Variants in PACRG observed in about 807,000 individuals in gnomAD.
PACRG encodes parkin coregulated.
A neutral mutation model predicts 29.7 loss-of-function variants in PACRG; 29 were observed. The observed-to-expected ratio is 0.98, with a 90% CI of 0.73 to 1.33. The LOEUF (loss-of-function observed/expected upper bound fraction) is 1.33, where lower values mean the gene tolerates loss of function less well. Ranked by LOEUF, PACRG falls within the 40% of genes most tolerant of loss-of-function variation. The pLI is 0.00. For missense variants in PACRG, 279 were observed against 316.2 expected (o/e 0.88, Z 0.89); for synonymous variants, 116 against 118.7 (o/e 0.98, Z 0.15).
chr6:162,788,227 T>C lies in PACRG; in HGVS notation c.157-25920T>C, dbSNP rs1434339633. Among the ~76,000 whole-genome samples, 4 of 152,208 alleles carry C rather than the reference T, an allele frequency of 2.6e-5. No homozygotes were observed. In the South Asian group the frequency reaches 6.2e-4, roughly 24 times the overall value. ...TCTTTTTACTGTATCCATAGTTTTT[T>C]CTTTTCCAGAATGTCATGCAGTTGG... On this transcript the variant is annotated intron_variant, in intron 1 of 4. Transcript: ENST00000366888.
At chr6:162,969,949 TACAC>T (rs962081982) in intron 2 of PACRG, among the ~76,000 whole-genome samples, 4 of 152,192 alleles carry the variant, frequency 2.6e-5, no homozygotes, top group African/African-American at 9.7e-5. Context: ...GAAGCTGGCT[TACAC>T]ACAGCACCTT....
chr6:163,294,686 T>G (rs946232492), intron 4 of PACRG, among the ~76,000 whole-genome samples: 1 of 152,234 alleles, frequency 6.6e-6, no homozygotes, highest in Non-Finnish European at 1.5e-5. Context: ...TGTTAATTGC[T>G]TAATGAATAA....
intron 2 of PACRG, among the ~76,000 whole-genome samples, chr6:162,967,380 C>T (rs1225787455): frequency 2.6e-5 from 4 of 152,134 alleles, no homozygotes; most frequent in Non-Finnish European, 5.9e-5. Flanking sequence ...TGTAGATTGT[C>T]TACCTAATTT....
Position 163,176,847 on chromosome 6 carries a change from G to A in PACRG, c.613+87439G>A, listed in dbSNP as rs142489335. On this transcript the variant is annotated intron_variant, in intron 4 of 4. Transcript: ENST00000366888. ...CAGCCGAAGTTGCATGGAAAAGGCT[G>A]GAGAGAGGGAAAGTCAAGAAATAAT... Among the ~76,000 whole-genome samples the A allele has an allele frequency of 3.5e-3, 536 of 152,316 alleles. 6 individuals carry two copies. Among genetic ancestry groups the A allele is most frequent in the African/African-American group, 0.012 (516 of 41,560 alleles).
chr6:163,287,077 T>C (rs550362910), intron 4 of PACRG, among the ~76,000 whole-genome samples: 107 of 152,234 alleles, frequency 7.0e-4, no homozygotes, highest in African/African-American at 2.5e-3. Flanking sequence ...ATTTTTCCCA[T>C]GCAGCAGATA....
chr6:162,943,190 A>C (rs796489418), intron 2 of PACRG, among the ~76,000 whole-genome samples: 6 of 152,294 alleles, frequency 3.9e-5, no homozygotes, highest in African/African-American at 1.4e-4. Flanking sequence ...CTTATGTCTT[A>C]AGTGGCTACA....
chr6:163,105,377 T>C (rs1562918710), intron 4 of PACRG, among the ~76,000 whole-genome samples: 1 of 152,158 alleles, frequency 6.6e-6, no homozygotes, highest in Non-Finnish European at 1.5e-5. Context: ...TAAATTCTAA[T>C]TACTATTTAA....
intron 4 of PACRG, chr6:163,310,174 C>T (rs2128193298): frequency 6.6e-6 from 1 of 152,302 alleles, no homozygotes; most frequent in South Asian, 2.1e-4. Context: ...CCCTGAGCCT[C>T]GCAGTGGCCG....
intron 1 of PACRG, among the ~76,000 whole-genome samples, chr6:162,766,594 C>T (rs540912669): frequency 2.6e-4 from 40 of 152,198 alleles, no homozygotes; most frequent in Non-Finnish European, 5.1e-4. Context: ...CCAGATCATA[C>T]GATAATTCTG....
chr6:163,233,706 T>A (rs1321383122), intron 4 of PACRG, among the ~76,000 whole-genome samples: 1 of 152,142 alleles, frequency 6.6e-6, no homozygotes, highest in Non-Finnish European at 1.5e-5. Context: ...TGGAAATATT[T>A]GAAAAATATT....
At chr6:163,042,024 C>T (rs1305161910) in intron 2 of PACRG, among the ~76,000 whole-genome samples, 1 of 152,180 alleles carries the variant, frequency 6.6e-6, no homozygotes, top group Non-Finnish European at 1.5e-5. Flanking sequence ...CACCACCACG[C>T]CTGGCTAATT....
intron 4 of PACRG, among the ~76,000 whole-genome samples, chr6:163,226,359 CACAAAA>C (rs1439310653): frequency 2.0e-5 from 3 of 152,112 alleles, no homozygotes; most frequent in Non-Finnish European, 4.4e-5. Flanking sequence ...ATGTTCTCAC[CACAAAA>C]ACATGAGAAG....
intron 2 of PACRG, among the ~76,000 whole-genome samples, chr6:162,909,554 CAAAAAAAAA>C (rs562001835): frequency 7.1e-5 from 5 of 70,088 alleles, no homozygotes; most frequent in African/African-American, 2.6e-4. Flanking sequence ...GACTCCATCT[CAAAAAAAAA>C]AAAAAAAAAA....
intron 2 of PACRG, among the ~76,000 whole-genome samples, chr6:162,897,046 C>T (rs186941341): frequency 2.0e-5 from 3 of 152,108 alleles, no homozygotes; most frequent in African/African-American, 7.2e-5. Context: ...GCCAATGAGC[C>T]CCTACAACAA....
At chr6:162,998,848 C>G (rs1804324243) in intron 2 of PACRG, among the ~76,000 whole-genome samples, 1 of 152,208 alleles carries the variant, frequency 6.6e-6, no homozygotes, top group South Asian at 2.1e-4. Flanking sequence ...ATTAGGGAAT[C>G]TAACCCTTTT....
rs1585234555 is a variant in PACRG at position 163,116,652 on chromosome 6, G to A, written c.613+27244G>A. On this transcript the variant is annotated intron_variant, in intron 4 of 4. Transcript: ENST00000366888. ...AAACGAGTGTAGATGTTTGCTCATGGCACTATTTCTAGGGCTTAGGTCAGG... is the reference window on the plus strand; with the variant it reads ...AAACGAGTGTAGATGTTTGCTCATGACACTATTTCTAGGGCTTAGGTCAGG... Among the ~76,000 whole-genome samples the A allele has an allele frequency of 3.3e-5, 5 of 151,648 alleles. No individual in the cohort carries two copies. In the East Asian group the frequency reaches 9.7e-4, roughly 29 times the overall value.
chr6:163,232,395 A>G (rs571123682), intron 4 of PACRG, among the ~76,000 whole-genome samples: 8 of 152,288 alleles, frequency 5.3e-5, no homozygotes, highest in Admixed American at 2.0e-4. Flanking sequence ...TGCGTGTCAG[A>G]CCAACGCCCA....
At chr6:162,827,850 C>G (rs748984958) in intron 2 of PACRG, among the ~76,000 whole-genome samples, 15 of 151,964 alleles carry the variant, frequency 9.9e-5, no homozygotes, top group Non-Finnish European at 2.1e-4. Flanking sequence ...TTACAGTCTC[C>G]TAAAAGTCTT....
Position 162,823,421 on chromosome 6 carries a change from T to C in PACRG, c.291+9140T>C, listed in dbSNP as rs572386189. Reference sequence around the variant, plus strand: ...ACAAATATTACATGTAGATTATACATTTATATTCTGTTCTATTATTTCTAT... The same window carrying C: ...ACAAATATTACATGTAGATTATACACTTATATTCTGTTCTATTATTTCTAT... On this transcript the variant is annotated intron_variant, in intron 2 of 4. Transcript: ENST00000366888. Among the ~76,000 whole-genome samples, 38 of 152,244 alleles carry C rather than the reference T, an allele frequency of 2.5e-4. 1 individual carries two copies. The South Asian group carries it at 5.2e-3, about 21-fold the overall frequency.
Sources: allele counts gnomAD v4.1 joint callset (sites outside exome capture counted in the v4.1 genomes callset), GRCh38; gene constraint gnomAD v4.1.1; transcripts MANE v1.5; gene names NCBI Gene and HGNC (gene_info 2026-07-23, HGNC 2026-07-21).